Variants in CNTLN observed in about 807,000 individuals in gnomAD.
CNTLN encodes the protein centlein.
CNTLN carries 212 observed loss-of-function variants against 180.0 expected under a neutral mutation model. The ratio of observed to expected loss-of-function variants is 1.18; its 90% CI spans 1.05 to 1.32. The LOEUF is 1.32. Ranked by LOEUF, CNTLN falls within the 40% of genes most tolerant of loss-of-function variation. CNTLN has a pLI of 0.00. For synonymous variants in CNTLN, 722 were observed against 563.1 expected (o/e 1.28, Z -3.99); for missense variants, 2,095 against 1,610.9 (o/e 1.30, Z -5.14).
intron 16 of CNTLN, among the ~76,000 whole-genome samples, chr9:17,409,840 T>C (rs1265437329): frequency 6.6e-6 from 1 of 152,098 alleles, no homozygotes; most frequent in African/African-American, 2.4e-5. Flanking sequence ...CTAAATTACT[T>C]ATTTCTAACT....
Position 17,210,980 on chromosome 9 carries a change from A to G in CNTLN, c.450-15223A>G, listed in dbSNP as rs1017772351. The stretch of plus-strand genomic sequence containing the variant: ...CCCCTTTGTCAGATGAGTAGGTTGC[A>G]AAAATTTTCTCCCATTGTGCAGTTT... On this transcript the variant is annotated intron_variant, in intron 2 of 25. Coordinates refer to ENST00000380647, the MANE Select transcript of CNTLN (RefSeq NM_017738.4). Among the ~76,000 whole-genome samples, 12 of 152,264 alleles carry G rather than the reference A, an allele frequency of 7.9e-5. No homozygotes were observed. In the South Asian group the frequency reaches 8.3e-4, roughly 11 times the overall value.
chr9:17,246,358 G>T lies in CNTLN; in HGVS notation c.849+9770G>T, dbSNP rs140752485. Reference sequence around the variant, plus strand: ...TCCGGGAGAATTTCCTAGATTACTGGGCAGAGACTCTTGTTCTCTTCCCTT... The same window carrying T: ...TCCGGGAGAATTTCCTAGATTACTGTGCAGAGACTCTTGTTCTCTTCCCTT... On this transcript the variant is annotated intron_variant, in intron 5 of 25. Coordinates refer to ENST00000380647, the MANE Select transcript of CNTLN (RefSeq NM_017738.4). Among the ~76,000 whole-genome samples the T allele has an allele frequency of 1.6e-3, 249 of 152,182 alleles. 1 individual carries two copies. The highest frequency in any genetic ancestry group is 2.7e-3 in the Non-Finnish European group (181 of 68,000).
chr9:17,202,646 G>GTTTTTTTTTTTTTTTTTTTTTTTTT (rs57960408), intron 2 of CNTLN, among the ~76,000 whole-genome samples: 7 of 71,474 alleles, frequency 9.8e-5, no homozygotes, highest in African/African-American at 2.6e-4. Context: ...TGCAACCTCT[G>GTTTTTTTTTTTTTTTTTTTTTTTTT]TTTTTTTTTT....
intron 18 of CNTLN, among the ~76,000 whole-genome samples, chr9:17,452,681 G>A (rs1260792422): frequency 1.3e-5 from 2 of 152,154 alleles, no homozygotes; most frequent in Non-Finnish European, 2.9e-5. Context: ...TACATAGTGT[G>A]TGTAAAAAGA....
intron 18 of CNTLN, among the ~76,000 whole-genome samples, chr9:17,424,925 T>C (rs1346948934): frequency 6.6e-6 from 1 of 152,184 alleles, no homozygotes; most frequent in East Asian, 1.9e-4. Context: ...TCTATTCTTA[T>C]AAATTGGCTA....
chr9:17,511,490 T>C, the CNTLN span, among the ~76,000 whole-genome samples: 1 of 152,198 alleles, frequency 6.6e-6, no homozygotes, highest in South Asian at 2.1e-4. Context: ...TTCCTAGCTC[T>C]TCCATATGGC....
intron 15 of CNTLN, among the ~76,000 whole-genome samples, chr9:17,404,402 G>A (rs150750663): frequency 6.6e-6 from 1 of 151,692 alleles, no homozygotes. Flanking sequence ...GGGGATTTGA[G>A]AGTCCTGATG....
At chr9:17,426,997 C>T in intron 18 of CNTLN, among the ~76,000 whole-genome samples, 1 of 152,128 alleles carries the variant, frequency 6.6e-6, no homozygotes, top group East Asian at 1.9e-4. Context: ...TTTTTGTACT[C>T]TGCCCTGGTC....
intron 5 of CNTLN, among the ~76,000 whole-genome samples, chr9:17,244,418 A>G (rs756875315): frequency 6.6e-6 from 1 of 151,998 alleles, no homozygotes; most frequent in Non-Finnish European, 1.5e-5. Flanking sequence ...AGGTCTTGCT[A>G]TGTTGCCCAG....
chr9:17,281,295 T>C (rs548388716), intron 6 of CNTLN, among the ~76,000 whole-genome samples: 19 of 152,158 alleles, frequency 1.2e-4, no homozygotes, highest in Non-Finnish European at 2.6e-4. Flanking sequence ...TTAATTTTGT[T>C]TCAAGTTCCA....
At chr9:17,387,947 GAAA>G (rs34567309) in intron 13 of CNTLN, among the ~76,000 whole-genome samples, 74 of 141,838 alleles carry the variant, frequency 5.2e-4, no homozygotes, top group East Asian at 8.0e-4. Context: ...ATCTTATACT[GAAA>G]AAAAAAAAAA....
At position 17,178,692 on chromosome 9, in the gene CNTLN, G is replaced by C. The variant is rs566858667; in HGVS notation, c.449+35316G>C. Among the ~76,000 whole-genome samples the C allele has an allele frequency of 1.1e-4, 13 of 120,444 alleles. No homozygotes were observed. The East Asian group carries it at 3.2e-3, about 30-fold the overall frequency. The allele number at this position is 120,444 out of a possible 152,430, so 79.0% of individuals were successfully genotyped here. A position where few individuals can be genotyped will look rare whatever the true frequency, so the allele number is the denominator to read the frequency against. On this transcript the variant is annotated intron_variant, in intron 2 of 25. Coordinates refer to ENST00000380647, the MANE Select transcript of CNTLN (RefSeq NM_017738.4). ...GGCCGCTCCAAGTGCGGGGACCACC[G>C]AGCCCACACCCACCCGGAATTCACG... is the stretch of plus-strand genomic sequence containing the variant.
chr9:17,283,229 G>A (rs866701911), intron 6 of CNTLN, among the ~76,000 whole-genome samples: 207 of 152,270 alleles, frequency 1.4e-3, no homozygotes, highest in African/African-American at 4.1e-3. Context: ...AGCATGGAAT[G>A]TTTTTTCATT....
intron 18 of CNTLN, among the ~76,000 whole-genome samples, chr9:17,448,943 GCA>G (rs1295453607): frequency 6.6e-6 from 1 of 152,144 alleles, no homozygotes. Flanking sequence ...GAAAGACATT[GCA>G]CAGTTTCTCC....
intron 2 of CNTLN, among the ~76,000 whole-genome samples, chr9:17,156,995 A>T (rs770868509): frequency 6.6e-6 from 1 of 152,218 alleles, no homozygotes; most frequent in Admixed American, 6.5e-5. Context: ...ATGTAGAAAG[A>T]TACTGGAGGC....
chr9:17,325,376 G>A (rs1563995523), intron 8 of CNTLN, among the ~76,000 whole-genome samples: 2 of 49,132 alleles, frequency 4.1e-5, no homozygotes, highest in Non-Finnish European at 1.0e-4. Flanking sequence ...GCATGTGTAT[G>A]TATGTGTGTG....
chr9:17,306,948 G>T (rs1818758619), intron 7 of CNTLN, among the ~76,000 whole-genome samples: 1 of 152,050 alleles, frequency 6.6e-6, no homozygotes, highest in African/African-American at 2.4e-5. Flanking sequence ...TGTGTCCAGG[G>T]TTTGCTTTTT....
chr9:17,324,325 G>C (rs1404402205), intron 8 of CNTLN, among the ~76,000 whole-genome samples: 1 of 152,100 alleles, frequency 6.6e-6, no homozygotes. Context: ...GCAAATTCTG[G>C]CAGAATGTGA....
At chr9:17,135,521 C>T in intron 1 of CNTLN, 96 bp downstream of exon 1, 1 of 1,399,956 alleles carries the variant, frequency 7.1e-7, no homozygotes. Flanking sequence ...GGACCTACCC[C>T]GCCCAGCGAC....
Sources: gnomAD v4.1 joint callset for allele counts (sites outside exome capture counted in the v4.1 genomes callset) on GRCh38, gnomAD v4.1.1 for gene constraint, MANE v1.5 for transcripts, NCBI Gene and HGNC (gene_info 2026-07-23, HGNC 2026-07-21) for gene names.